The following HLCS variants were observed in gnomAD, a reference collection of about 807,000 sequenced individuals.
HLCS encodes the protein biotin--protein ligase.
In HLCS, 53 loss-of-function variants were observed where a neutral mutation model predicts 75.0. The observed-to-expected ratio is 0.71, with a 90% CI of 0.57 to 0.89. The LOEUF (loss-of-function observed/expected upper bound fraction) is 0.89. Ranked by LOEUF, HLCS falls within the 40% of genes least tolerant of loss-of-function variation. The pLI is 0.00. For synonymous variants in HLCS, 431 were observed against 428.6 expected (o/e 1.01, Z -0.07); for missense variants, 966 against 1,074.0 (o/e 0.90, Z 1.41).
At chr21:36,841,583 G>A (rs78386983) in intron 6 of HLCS, among the ~76,000 whole-genome samples, 2,036 of 152,314 alleles carry the variant, frequency 0.013, 37 homozygotes, top group African/African-American at 0.046. Flanking sequence ...CTAAGAGCAC[G>A]GGAGTCAAAA....
In HLCS at chr21:36,781,259, C is replaced by CAA. The variant is rs34115036; in HGVS notation, c.1893-13976_1893-13975dup. Among the ~76,000 whole-genome samples, 119 of 114,010 alleles carry CAA rather than the reference C, an allele frequency of 1.0e-3. 2 individuals are homozygous for CAA. Among genetic ancestry groups the CAA allele is most frequent in the African/African-American group, 1.1e-3 (34 of 30,122 alleles). 74.8% of individuals were successfully genotyped at this position (114,010 alleles called of 152,430 possible). A position where few individuals can be genotyped will look rare whatever the true frequency, so the allele number is the denominator to read the frequency against. ...ACAACAGGAGCGTGAAACTCTGTCT[C>CAA]AAAAAAAAAAAAAAAAAAGCCTTGA... On this transcript the variant is annotated intron_variant, in intron 6 of 10. Coordinates refer to ENST00000674895, the MANE Select transcript of HLCS (RefSeq NM_001352514.2).
intron 5 of HLCS, among the ~76,000 whole-genome samples, chr21:36,900,686 A>G (rs78850081): frequency 0.027 from 4,136 of 152,274 alleles, 85 homozygotes; most frequent in Admixed American, 0.043. Flanking sequence ...AAAGTCACCT[A>G]AATGAGCTAG....
At chr21:36,950,249 C>T (rs113400414) in intron 2 of HLCS, among the ~76,000 whole-genome samples, 19 of 149,338 alleles carry the variant, frequency 1.3e-4, no homozygotes, top group African/African-American at 4.7e-4. Context: ...ACATATAAGC[C>T]TTGTTTGATG....
intron 1 of HLCS, among the ~76,000 whole-genome samples, chr21:36,986,401 T>C (rs2069230242): frequency 6.6e-6 from 1 of 152,188 alleles, no homozygotes; most frequent in Admixed American, 6.6e-5. Flanking sequence ...CTGTGTTAGT[T>C]GCAATGTGGT....
At chr21:36,964,267 A>C (rs148695195) in intron 1 of HLCS, among the ~76,000 whole-genome samples, 3 of 152,204 alleles carry the variant, frequency 2.0e-5, no homozygotes, top group Non-Finnish European at 4.4e-5. Context: ...TTTCAGCCCA[A>C]GTAGACTGAG....
At chr21:36,776,703 G>A (rs1207107256) in intron 6 of HLCS, among the ~76,000 whole-genome samples, 3 of 152,106 alleles carry the variant, frequency 2.0e-5, no homozygotes, top group Non-Finnish European at 4.4e-5. Flanking sequence ...GTGAGCCACC[G>A]CACCCGGCTG....
chr21:36,893,774 G>T (rs1199234771), intron 6 of HLCS, among the ~76,000 whole-genome samples: 2 of 152,180 alleles, frequency 1.3e-5, no homozygotes, highest in Admixed American at 6.5e-5. Flanking sequence ...CTGCTGCGCC[G>T]CCCCGTTCCT....
At chr21:36,883,818 C>T (rs1182700923) in intron 6 of HLCS, among the ~76,000 whole-genome samples, 4 of 152,108 alleles carry the variant, frequency 2.6e-5, no homozygotes, top group African/African-American at 9.7e-5. Flanking sequence ...CTGCCAGGTC[C>T]GACCCGCAGA....
At chr21:36,964,833 A>T (rs1398806680) in intron 1 of HLCS, among the ~76,000 whole-genome samples, 1 of 152,240 alleles carries the variant, frequency 6.6e-6, no homozygotes. Context: ...CAAAATTTCT[A>T]TTCTGACTTA....
At chr21:36,857,214 CCA>C (rs1438257354) in intron 6 of HLCS, among the ~76,000 whole-genome samples, 6 of 152,212 alleles carry the variant, frequency 3.9e-5, no homozygotes, top group Non-Finnish European at 8.8e-5. Context: ...AAAACCCAAG[CCA>C]CACCAGGTAT....
intron 6 of HLCS, among the ~76,000 whole-genome samples, chr21:36,873,670 G>A (rs1873289128): frequency 6.6e-6 from 1 of 152,172 alleles, no homozygotes; most frequent in South Asian, 2.1e-4. Flanking sequence ...AGCCTGAAGT[G>A]CAGTGGTGCA....
At chr21:36,976,807 G>A (rs747222334) in intron 1 of HLCS, among the ~76,000 whole-genome samples, 2 of 151,836 alleles carry the variant, frequency 1.3e-5, no homozygotes, top group Admixed American at 6.6e-5. Flanking sequence ...CCCCTCTTCC[G>A]AACCAGCCAT....
At chr21:36,828,471 T>C (rs1473009646) in intron 6 of HLCS, among the ~76,000 whole-genome samples, 1 of 152,222 alleles carries the variant, frequency 6.6e-6, no homozygotes, top group Non-Finnish European at 1.5e-5. Flanking sequence ...AATAAGGTGC[T>C]GAACAAAACT....
chr21:36,787,631 T>G lies in HLCS; in HGVS notation c.1893-20346A>C, dbSNP rs376779741. Among the ~76,000 whole-genome samples the G allele has an allele frequency of 1.8e-4, 27 of 152,286 alleles. 2 individuals are homozygous for G. Among genetic ancestry groups the G allele is most frequent in the East Asian group, 1.4e-3 (7 of 5,176 alleles). The stretch of plus-strand genomic sequence containing the variant: ...ATGGAAAGCTCCTTTGCGGTCTTTC[T>G]AGGAGAGGAGGCGGCACCTATATTC... On this transcript the variant is annotated intron_variant, in intron 6 of 10. Coordinates refer to ENST00000674895, the MANE Select transcript of HLCS (RefSeq NM_001352514.2).
intron 6 of HLCS, among the ~76,000 whole-genome samples, chr21:36,890,310 T>G (rs1229713163): frequency 6.6e-6 from 1 of 152,192 alleles, no homozygotes. Flanking sequence ...AAGCAATTCA[T>G]GGTCGGGAAG....
At chr21:36,755,263 G>C (rs1222065879) in intron 10 of HLCS, among the ~76,000 whole-genome samples, 1 of 151,790 alleles carries the variant, frequency 6.6e-6, no homozygotes, top group African/African-American at 2.4e-5. Flanking sequence ...TTAGCGGGCC[G>C]TGTGGCACAC....
chr21:36,881,418 G>GA (rs1201963270), intron 6 of HLCS, among the ~76,000 whole-genome samples: 2 of 152,180 alleles, frequency 1.3e-5, no homozygotes, highest in African/African-American at 2.4e-5. Context: ...GTTCCAGAAG[G>GA]AAACTCCAAT....
At chr21:36,884,110 T>C (rs2064347481) in intron 6 of HLCS, among the ~76,000 whole-genome samples, 1 of 152,224 alleles carries the variant, frequency 6.6e-6, no homozygotes, top group African/African-American at 2.4e-5. Flanking sequence ...CTAAGTAAAC[T>C]AACTTACCTA....
intron 1 of HLCS, among the ~76,000 whole-genome samples, chr21:36,963,684 A>T (rs2068426568): frequency 6.6e-6 from 1 of 152,116 alleles, no homozygotes; most frequent in African/African-American, 2.4e-5. Context: ...CCCGGGAGGC[A>T]GAAGTTGCGG....
Sources: allele counts gnomAD v4.1 joint callset (sites outside exome capture counted in the v4.1 genomes callset), GRCh38; gene constraint gnomAD v4.1.1; transcripts MANE v1.5; gene names NCBI Gene and HGNC (gene_info 2026-07-23, HGNC 2026-07-21).